ARHGAP19: variants seen among roughly 807,000 people sequenced by gnomAD.
ARHGAP19 encodes Rho GTPase activating protein 19.
A neutral mutation model predicts 60.9 loss-of-function variants in ARHGAP19; 48 were observed. The observed-to-expected ratio is 0.79, with a 90% CI of 0.62 to 1.00. ARHGAP19 has a LOEUF of 1.00. Ranked by LOEUF, ARHGAP19 falls within the 50% of genes least tolerant of loss-of-function variation. ARHGAP19 has a pLI of 0.00. For missense variants in ARHGAP19, 562 were observed against 597.2 expected (o/e 0.94, Z 0.61); for synonymous variants, 209 against 215.5 (o/e 0.97, Z 0.27).
chr10:97,236,596 G>A (rs2134821893), intron 8 of ARHGAP19, among the ~76,000 whole-genome samples: 1 of 152,034 alleles, frequency 6.6e-6, no homozygotes, highest in South Asian at 2.1e-4. Context: ...ATTTAGCAAG[G>A]TGTATCCAGA....
At chr10:97,261,637 TA>T (rs75699352) in intron 4 of ARHGAP19, among the ~76,000 whole-genome samples, 33 of 145,982 alleles carry the variant, frequency 2.3e-4, no homozygotes, top group African/African-American at 2.8e-4. Flanking sequence ...CTAAAAGAGC[TA>T]AAAAAAAAAA....
At chr10:97,292,083 C>T (rs78616214) in intron 1 of ARHGAP19, among the ~76,000 whole-genome samples, 6,265 of 151,868 alleles carry the variant, frequency 0.041, 202 homozygotes, top group Non-Finnish European at 0.061. Context: ...GGCATCCTCA[C>T]GTCCCTTTGC....
intron 8 of ARHGAP19, among the ~76,000 whole-genome samples, chr10:97,235,667 C>T (rs959315574): frequency 3.9e-5 from 6 of 152,168 alleles, no homozygotes; most frequent in Non-Finnish European, 7.3e-5. Flanking sequence ...CAGTTACTGG[C>T]ACAATCTAAA....
intron 6 of ARHGAP19, among the ~76,000 whole-genome samples, chr10:97,254,326 G>A (rs932965925): frequency 1.3e-5 from 2 of 152,084 alleles, no homozygotes; most frequent in Non-Finnish European, 2.9e-5. Flanking sequence ...CCATGGTACT[G>A]GTATAAAGTC....
intron 8 of ARHGAP19, among the ~76,000 whole-genome samples, chr10:97,237,341 C>T (rs902972353): frequency 1.4e-4 from 21 of 151,254 alleles, no homozygotes; most frequent in Middle Eastern, 3.4e-3. Context: ...TAAAATCATG[C>T]ACCACATAAT....
At chr10:97,226,892 A>G (rs1850906857) in intron 11 of ARHGAP19, among the ~76,000 whole-genome samples, 1 of 152,252 alleles carries the variant, frequency 6.6e-6, no homozygotes, top group Non-Finnish European at 1.5e-5. Context: ...AATAATGGCC[A>G]TAATAAGTAG....
At chr10:97,243,001 T>A (rs1341265136) in intron 8 of ARHGAP19, among the ~76,000 whole-genome samples, 3 of 152,216 alleles carry the variant, frequency 2.0e-5, no homozygotes, top group Non-Finnish European at 4.4e-5. Context: ...TACATGAAAC[T>A]ACTTAGTTTC....
chr10:97,280,257 G>C (rs984231655), intron 1 of ARHGAP19, among the ~76,000 whole-genome samples: 1 of 151,662 alleles, frequency 6.6e-6, no homozygotes, highest in African/African-American at 2.4e-5. Flanking sequence ...AAATACAAAA[G>C]AATTAGCTGG....
intron 1 of ARHGAP19, among the ~76,000 whole-genome samples, chr10:97,280,821 G>A (rs1248995556): frequency 6.6e-6 from 1 of 152,062 alleles, no homozygotes; most frequent in Non-Finnish European, 1.5e-5. Context: ...CTGGCCTCAA[G>A]CGATCCTCCC....
rs752393611 is a variant in ARHGAP19 at position 97,229,082 on chromosome 10, T to C, written c.1474+65A>G. The C allele has an allele frequency of 1.1e-5, 16 of 1,434,196 alleles. No homozygotes were observed. In the South Asian group the frequency reaches 1.6e-4, roughly 14 times the overall value. The allele number at this position is 1,434,196 out of a possible 1,614,324, so 88.8% of individuals were successfully genotyped here. The stretch of plus-strand genomic sequence containing the variant: ...GTACTATCCTGGGAATTCAAACAAA[T>C]GCTACTGACTAGATGCAGAAAGGAA... On this transcript the variant is annotated intron_variant, in intron 11 of 11. Coordinates refer to ENST00000358531, the MANE Select transcript of ARHGAP19 (RefSeq NM_032900.6).
chr10:97,247,724 G>A (rs939523974), intron 6 of ARHGAP19, among the ~76,000 whole-genome samples: 4 of 135,980 alleles, frequency 2.9e-5, no homozygotes, highest in Admixed American at 7.5e-5. Flanking sequence ...AAGAAAGGAT[G>A]GAGAGAAGGA....
At chr10:97,285,506 C>CAT (rs34076906) in intron 1 of ARHGAP19, among the ~76,000 whole-genome samples, 61 of 130,260 alleles carry the variant, frequency 4.7e-4, no homozygotes, top group Middle Eastern at 7.9e-3. Context: ...ATAATTTTCT[C>CAT]TTTTTTTTTT....
At chr10:97,279,049 G>A (rs1307434559) in intron 1 of ARHGAP19, among the ~76,000 whole-genome samples, 1 of 152,110 alleles carries the variant, frequency 6.6e-6, no homozygotes, top group African/African-American at 2.4e-5. Context: ...ACTCTAAAAG[G>A]CTCTGAAACA....
intron 9 of ARHGAP19, among the ~76,000 whole-genome samples, chr10:97,233,389 T>C (rs1455587289): frequency 6.6e-6 from 1 of 152,138 alleles, no homozygotes; most frequent in Non-Finnish European, 1.5e-5. Flanking sequence ...AAGTTATTTA[T>C]TTTTAGGGCA....
In ARHGAP19 at chr10:97,257,452, T is replaced by C. The variant is rs189351774; in HGVS notation, c.841-1048A>G. ...ATAGGCATGTGCCACCACGTCCAGCTTATTTTTCTTTTCCTTTTGTAGAGA... is the reference window on the plus strand; with the variant it reads ...ATAGGCATGTGCCACCACGTCCAGCCTATTTTTCTTTTCCTTTTGTAGAGA... On this transcript the variant is annotated intron_variant, in intron 5 of 11. Coordinates refer to ENST00000358531, the MANE Select transcript of ARHGAP19 (RefSeq NM_032900.6). 6.5e-4 allele frequency among the ~76,000 whole-genome samples: 99 copies of C among 152,140 alleles called. 1 individual carries two copies. The highest frequency in any genetic ancestry group is 2.2e-3 in the African/African-American group (90 of 41,532).
chr10:97,245,954 G>A (rs1247093257), intron 7 of ARHGAP19, among the ~76,000 whole-genome samples: 1 of 151,950 alleles, frequency 6.6e-6, no homozygotes, highest in African/African-American at 2.4e-5. Context: ...TCAAGAGACA[G>A]GGTCTCGCTG....
intron 1 of ARHGAP19, among the ~76,000 whole-genome samples, chr10:97,280,683 A>G (rs1396023529): frequency 6.6e-6 from 1 of 151,958 alleles, no homozygotes; most frequent in Admixed American, 6.6e-5. Context: ...CCTGGGCTCA[A>G]GGGATCCTCC....
intron 1 of ARHGAP19, among the ~76,000 whole-genome samples, chr10:97,271,401 G>GA (rs994899785): frequency 1.4e-4 from 22 of 151,796 alleles, no homozygotes; most frequent in South Asian, 4.2e-4. Context: ...GCCACAGACT[G>GA]AAAAAAACAT....
At chr10:97,252,580 C>T (rs558305338) in intron 6 of ARHGAP19, among the ~76,000 whole-genome samples, 14 of 150,690 alleles carry the variant, frequency 9.3e-5, no homozygotes, top group South Asian at 2.1e-4. Context: ...GCTGAGATCG[C>T]GCCACTGCAC....
Sources: allele counts gnomAD v4.1 joint callset (sites outside exome capture counted in the v4.1 genomes callset), GRCh38; gene constraint gnomAD v4.1.1; transcripts MANE v1.5; gene names NCBI Gene and HGNC (gene_info 2026-07-23, HGNC 2026-07-21).